The following TRHR variants were observed in gnomAD, a reference collection of about 807,000 sequenced individuals.
TRHR encodes thyrotropin-releasing hormone receptor.
TRHR carries 14 observed loss-of-function variants against 28.0 expected under a neutral mutation model. That is an observed-to-expected ratio of 0.50 (90% confidence interval 0.33 to 0.78). The LOEUF (loss-of-function observed/expected upper bound fraction) is 0.78, where lower values mean the gene tolerates loss of function less well. Ranked by LOEUF, TRHR falls within the 30% of genes least tolerant of loss-of-function variation. The pLI is 0.02. For synonymous variants in TRHR, 176 were observed against 171.9 expected, an observed-to-expected ratio of 1.02 and a Z score of -0.18; for missense variants, 438 against 469.5, an observed-to-expected ratio of 0.93 and a Z score of 0.62.
At position 109,096,512 on chromosome 8, in the gene TRHR, T is replaced by C. The variant is rs76554937; in HGVS notation, c.789+8211T>C. ...CATTGTGGTACCCTCAGCCCTGCATTTGGCTACAGTAGGTTCCCCAAAGTG... is the reference window on the plus strand; with the variant it reads ...CATTGTGGTACCCTCAGCCCTGCATCTGGCTACAGTAGGTTCCCCAAAGTG... On this transcript the variant is annotated intron_variant, in intron 2 of 2. Transcript: ENST00000518632. 1.6e-3 allele frequency among the ~76,000 whole-genome samples: 245 copies of C among 152,280 alleles called. 7 individuals carry two copies. The East Asian group carries it at 0.026, about 16-fold the overall frequency.
At chr8:109,115,877 C>T (rs1258826572) in intron 2 of TRHR, among the ~76,000 whole-genome samples, 1 of 152,126 alleles carries the variant, frequency 6.6e-6, no homozygotes, top group Non-Finnish European at 1.5e-5. Flanking sequence ...GCATCCCTGT[C>T]TTGTGCCAGT....
intron 2 of TRHR, among the ~76,000 whole-genome samples, chr8:109,112,917 A>G (rs1021655302): frequency 2.0e-5 from 3 of 152,170 alleles, no homozygotes; most frequent in African/African-American, 7.2e-5. Flanking sequence ...CAAATTTCAG[A>G]GTAATATGGC....
At chr8:109,117,138 T>C (rs562755805) in intron 2 of TRHR, among the ~76,000 whole-genome samples, 12 of 152,060 alleles carry the variant, frequency 7.9e-5, no homozygotes, top group Non-Finnish European at 1.6e-4. Context: ...TGTTGTTGGG[T>C]TTATAATTGA....
chr8:109,101,402 G>A (rs942868978), intron 2 of TRHR, among the ~76,000 whole-genome samples: 1 of 152,106 alleles, frequency 6.6e-6, no homozygotes, highest in African/African-American at 2.4e-5. Flanking sequence ...TTCACCCCTT[G>A]GAGCGAGAGC....
intron 2 of TRHR, among the ~76,000 whole-genome samples, chr8:109,108,471 C>T (rs1055166187): frequency 1.3e-5 from 2 of 152,138 alleles, no homozygotes; most frequent in Non-Finnish European, 2.9e-5. Context: ...AGAAGTGTTA[C>T]AGCTAGCAGC....
chr8:109,087,842 T>C lies in TRHR; in HGVS notation c.330T>C (p.Asn110=). 1 of 1,614,228 alleles carries C rather than the reference T, an allele frequency of 6.2e-7. No homozygotes were observed. The highest frequency in any genetic ancestry group is 8.5e-7 in the Non-Finnish European group (1 of 1,180,046). Residue 110 remains asparagine (N), a synonymous_variant, in exon 2 of 3, where the codon AAT becomes AAC. Transcript: ENST00000518632. ...CITYLQYLGI[N]ASSCSITAFT... ...CTTACCTCCAGTATTTGGGAATTAATGCATCCTCTTGTTCAATAACAGCCT... is the reference window on the plus strand; with the variant it reads ...CTTACCTCCAGTATTTGGGAATTAACGCATCCTCTTGTTCAATAACAGCCT...
chr8:109,100,307 A>G lies in TRHR; in HGVS notation c.789+12006A>G, dbSNP rs150438772. The stretch of plus-strand genomic sequence containing the variant: ...TAACTAGAGATTATAAGGGGCTAGG[A>G]TGGACCTCCAGGGATTTCTTTAGGA... On this transcript the variant is annotated intron_variant, in intron 2 of 2. Coordinates refer to ENST00000518632, the MANE Select transcript of TRHR (RefSeq NM_003301.7). Among the ~76,000 whole-genome samples the G allele has an allele frequency of 2.3e-3, 350 of 152,328 alleles. 1 individual carries two copies. The highest frequency in any genetic ancestry group is 3.7e-3 in the Non-Finnish European group (249 of 68,028).
intron 2 of TRHR, among the ~76,000 whole-genome samples, chr8:109,110,629 A>G (rs1811818195): frequency 6.6e-6 from 1 of 152,176 alleles, no homozygotes; most frequent in South Asian, 2.1e-4. Flanking sequence ...ATGCATTAGC[A>G]TCCCTGGGTG....
rs781102427 is a variant in TRHR at position 109,119,163 on chromosome 8, TG to T, written c.906del (p.Leu302PhefsTer17). 2 of 1,612,922 alleles carry T rather than the reference TG, an allele frequency of 1.2e-6. No homozygotes were observed. Among genetic ancestry groups the T allele is most frequent in the Non-Finnish European group, 1.7e-6 (2 of 1,179,256 alleles). On this transcript the variant is annotated frameshift_variant, in exon 3 of 3. Transcript: ENST00000518632. LOFTEE classifies it high-confidence loss of function. ...AGTCCTTTCCAAGAAAATTGGTTTT[TG>T]CTCTTTTGCAGAATTTGCATTTATC... is the stretch of plus-strand genomic sequence containing the variant. ...LSSPFQENWF[L>X]LFCRICIYLN... is the part of the protein sequence containing the mutation.
chr8:109,092,345 T>C (rs1811528371), intron 2 of TRHR, among the ~76,000 whole-genome samples: 1 of 151,836 alleles, frequency 6.6e-6, no homozygotes, highest in African/African-American at 2.4e-5. Context: ...TCCATGAAAC[T>C]ATTAAACATC....
At chr8:109,102,031 A>G (rs1259520423) in intron 2 of TRHR, among the ~76,000 whole-genome samples, 1 of 152,134 alleles carries the variant, frequency 6.6e-6, no homozygotes, top group Non-Finnish European at 1.5e-5. Context: ...AAATGTAAAG[A>G]TAAGGACTGA....
chr8:109,093,400 C>CATTTTTTTTT (rs1811542774), intron 2 of TRHR, among the ~76,000 whole-genome samples: 2 of 77,394 alleles, frequency 2.6e-5, no homozygotes, highest in African/African-American at 1.1e-4. Context: ...GTGCTATTTA[C>CATTTTTTTTT]TTTTTTTTTT....
intron 2 of TRHR, among the ~76,000 whole-genome samples, chr8:109,114,205 G>T (rs894121404): frequency 6.6e-6 from 1 of 151,988 alleles, no homozygotes; most frequent in African/African-American, 2.4e-5. Flanking sequence ...CACTTAGTAG[G>T]GTGGCCAAGG....
chr8:109,095,551 C>A (rs1351054623), intron 2 of TRHR, among the ~76,000 whole-genome samples: 1 of 152,082 alleles, frequency 6.6e-6, no homozygotes, highest in African/African-American at 2.4e-5. Flanking sequence ...ATTCCCGCCT[C>A]TCCTCCCCAT....
At position 109,119,793 on chromosome 8, in the gene TRHR, T is replaced by C. The variant is rs1811978403; in HGVS notation, c.*338T>C. 6.6e-6 allele frequency among the ~76,000 whole-genome samples: 1 copy of C among 151,952 alleles called. No individual in the cohort carries two copies. The highest frequency in any genetic ancestry group is 2.4e-5 in the African/African-American group (1 of 41,426). ...AGACATCAATTTACATTATTCATAG[T>C]AACCTTATCAAATGTCACTTTTCAA... On this transcript the variant is annotated 3_prime_UTR_variant, in exon 3 of 3. Transcript: ENST00000518632.
chr8:109,094,542 G>C (rs186298319), intron 2 of TRHR, among the ~76,000 whole-genome samples: 50 of 152,000 alleles, frequency 3.3e-4, no homozygotes, highest in African/African-American at 1.2e-3. Context: ...AGCTAAGTGT[G>C]CCATTTTATT....
intron 2 of TRHR, among the ~76,000 whole-genome samples, chr8:109,108,216 G>A (rs573766036): frequency 6.6e-6 from 1 of 152,190 alleles, no homozygotes; most frequent in South Asian, 2.1e-4. Flanking sequence ...CTTAAAAATC[G>A]GGCAGCTCTG....
At chr8:109,095,255 T>C (rs1811571853) in intron 2 of TRHR, among the ~76,000 whole-genome samples, 1 of 152,092 alleles carries the variant, frequency 6.6e-6, no homozygotes, top group Non-Finnish European at 1.5e-5. Context: ...AGCATACCAC[T>C]ACATTCTATG....
At chr8:109,118,087 C>A (rs1429027883) in intron 2 of TRHR, among the ~76,000 whole-genome samples, 1 of 151,882 alleles carries the variant, frequency 6.6e-6, no homozygotes, top group Non-Finnish European at 1.5e-5. Flanking sequence ...CTCTCTCTTT[C>A]ACTTCCCTTT....
Sources: allele counts gnomAD v4.1 joint callset (sites outside exome capture counted in the v4.1 genomes callset), GRCh38; gene constraint gnomAD v4.1.1; transcripts MANE v1.5; gene names NCBI Gene and HGNC (gene_info 2026-07-23, HGNC 2026-07-21).